Variants in SPIDR observed in about 807,000 individuals in gnomAD.
SPIDR encodes scaffold protein involved in DNA repair.
In SPIDR, 93 loss-of-function variants were observed where a neutral mutation model predicts 104.6. The observed-to-expected ratio is 0.89, with a 90% CI of 0.75 to 1.06. SPIDR has a LOEUF of 1.06. Ranked by LOEUF, SPIDR falls within the 50% of genes least tolerant of loss-of-function variation. SPIDR has a pLI of 0.00. For missense variants in SPIDR, 1,154 were observed against 1,111.2 expected (o/e 1.04, Z -0.55); for synonymous variants, 431 against 416.9 (o/e 1.03, Z -0.41).
At chr8:47,628,721 G>GT (rs1257751725) in intron 10 of SPIDR, among the ~76,000 whole-genome samples, 1 of 152,154 alleles carries the variant, frequency 6.6e-6, no homozygotes, top group African/African-American at 2.4e-5. Context: ...AGCAATTTGG[G>GT]TAGGGAATAG....
intron 10 of SPIDR, among the ~76,000 whole-genome samples, chr8:47,625,514 A>G (rs1238457901): frequency 3.9e-5 from 6 of 152,234 alleles, no homozygotes; most frequent in African/African-American, 1.4e-4. Context: ...AAATCTCCTT[A>G]AGCTGATAAG....
chr8:47,345,683 C>T (rs1248142760), intron 5 of SPIDR, among the ~76,000 whole-genome samples: 1 of 152,074 alleles, frequency 6.6e-6, no homozygotes, highest in Non-Finnish European at 1.5e-5. Flanking sequence ...CTTCAAATCC[C>T]TTGTAAGTTG....
At chr8:47,577,181 TC>T (rs1483425442) in intron 8 of SPIDR, among the ~76,000 whole-genome samples, 3 of 152,234 alleles carry the variant, frequency 2.0e-5, no homozygotes, top group Non-Finnish European at 4.4e-5. Flanking sequence ...TTCTTCTATC[TC>T]ATGGAGTGAG....
At chr8:47,635,689 T>G (rs191424625) in intron 10 of SPIDR, among the ~76,000 whole-genome samples, 15 of 152,224 alleles carry the variant, frequency 9.9e-5, no homozygotes, top group African/African-American at 3.6e-4. Flanking sequence ...GAATAGGCAG[T>G]GCACTCCAGC....
intron 10 of SPIDR, among the ~76,000 whole-genome samples, chr8:47,623,379 C>T (rs1344472949): frequency 6.6e-6 from 1 of 152,170 alleles, no homozygotes; most frequent in East Asian, 1.9e-4. Flanking sequence ...CAAATTCACA[C>T]ATAACGATAT....
intron 5 of SPIDR, among the ~76,000 whole-genome samples, chr8:47,303,032 C>T (rs917351836): frequency 6.6e-6 from 1 of 152,204 alleles, no homozygotes; most frequent in South Asian, 2.1e-4. Context: ...TGGTTATGCC[C>T]TGCCCCCAGA....
At chr8:47,265,873 A>G (rs782088363) in intron 1 of SPIDR, among the ~76,000 whole-genome samples, 4 of 152,088 alleles carry the variant, frequency 2.6e-5, no homozygotes, top group Admixed American at 6.5e-5. Context: ...TATTCTTACC[A>G]TGTCTTTATA....
intron 7 of SPIDR, among the ~76,000 whole-genome samples, chr8:47,423,664 C>T (rs2065942376): frequency 6.6e-6 from 1 of 152,074 alleles, no homozygotes; most frequent in African/African-American, 2.4e-5. Context: ...CACCCAAAGG[C>T]CTTGCAGAGA....
intron 5 of SPIDR, among the ~76,000 whole-genome samples, chr8:47,350,346 C>T (rs187473029): frequency 3.0e-4 from 45 of 152,308 alleles, no homozygotes; most frequent in African/African-American, 1.1e-3. Flanking sequence ...TAGAGTCTCG[C>T]TCTGTCACCC....
intron 5 of SPIDR, among the ~76,000 whole-genome samples, chr8:47,330,383 G>A (rs1404198948): frequency 6.6e-6 from 1 of 152,066 alleles, no homozygotes; most frequent in Non-Finnish European, 1.5e-5. Context: ...AAAGTCACTA[G>A]TTTCTATCAG....
intron 5 of SPIDR, chr8:47,330,930 A>G (rs2048557149): frequency 8.3e-6 from 3 of 362,664 alleles, no homozygotes; most frequent in East Asian, 7.6e-5. Context: ...GAAACTGCCA[A>G]ACTGTCTTCC....
intron 1 of SPIDR, among the ~76,000 whole-genome samples, chr8:47,275,584 C>A (rs1219529690): frequency 6.6e-6 from 1 of 151,782 alleles, no homozygotes; most frequent in Non-Finnish European, 1.5e-5. Flanking sequence ...TGAGTGGAAC[C>A]TCTGTGTAAA....
chr8:47,345,803 A>C (rs1464182142), intron 5 of SPIDR, among the ~76,000 whole-genome samples: 1 of 152,154 alleles, frequency 6.6e-6, no homozygotes, highest in Non-Finnish European at 1.5e-5. Context: ...TGATTTTTGC[A>C]CATTGATTTT....
intron 8 of SPIDR, among the ~76,000 whole-genome samples, chr8:47,573,791 T>C (rs142903921): frequency 2.4e-4 from 37 of 152,350 alleles, no homozygotes; most frequent in Non-Finnish European, 1.3e-4. Flanking sequence ...GAATCTCACC[T>C]TAGGGTATTA....
At chr8:47,343,841 TC>T (rs2051277390) in intron 5 of SPIDR, among the ~76,000 whole-genome samples, 1 of 152,056 alleles carries the variant, frequency 6.6e-6, no homozygotes, top group Admixed American at 6.6e-5. Context: ...ACTGGGTCCA[TC>T]CAAGGTCACC....
intron 14 of SPIDR, among the ~76,000 whole-genome samples, chr8:47,707,336 A>G (rs1436641804): frequency 6.6e-6 from 1 of 152,088 alleles, no homozygotes; most frequent in Non-Finnish European, 1.5e-5. Context: ...AAGGACTAAT[A>G]ATGTTGAACA....
At chr8:47,617,408 T>C (rs1167916396) in intron 10 of SPIDR, among the ~76,000 whole-genome samples, 1 of 152,204 alleles carries the variant, frequency 6.6e-6, no homozygotes, top group African/African-American at 2.4e-5. Flanking sequence ...TCAACTGTTA[T>C]TCATGTTTGT....
chr8:47,288,175 A>G (rs996812419), intron 3 of SPIDR, among the ~76,000 whole-genome samples: 3 of 152,070 alleles, frequency 2.0e-5, no homozygotes, highest in Admixed American at 6.6e-5. Flanking sequence ...TCTGTATTGT[A>G]GTTTGTACCT....
intron 11 of SPIDR, among the ~76,000 whole-genome samples, chr8:47,680,222 A>G (rs984256329): frequency 6.6e-6 from 1 of 152,222 alleles, no homozygotes; most frequent in Non-Finnish European, 1.5e-5. Context: ...CAGGAAAAAA[A>G]GTTGTATGCA....
Sources: gnomAD v4.1 joint callset for allele counts (sites outside exome capture counted in the v4.1 genomes callset) on GRCh38, gnomAD v4.1.1 for gene constraint, MANE v1.5 for transcripts, NCBI Gene and HGNC (gene_info 2026-07-23, HGNC 2026-07-21) for gene names.